The following NLRP5 variants were observed in gnomAD, a reference collection of about 807,000 sequenced individuals.
NLRP5 encodes the protein NLR family pyrin domain containing 5.
A neutral mutation model predicts 113.1 loss-of-function variants in NLRP5; 93 were observed. The ratio of observed to expected loss-of-function variants is 0.82; its 90% confidence interval spans 0.70 to 0.98. The LOEUF (loss-of-function observed/expected upper bound fraction) is 0.98, where lower values mean the gene tolerates loss of function less well. Among genes scored for constraint, NLRP5 ranks in the 50% least tolerant of loss-of-function variants. NLRP5 has a pLI of 0.00. For synonymous variants in NLRP5, 751 were observed against 600.7 expected (o/e 1.25, Z -3.66); for missense variants, 1,808 against 1,514.3 (o/e 1.19, Z -3.22).
chr19:56,021,401 C>T (rs62120424), intron 6 of NLRP5, among the ~76,000 whole-genome samples: 11,336 of 152,152 alleles, frequency 0.075, 514 homozygotes, highest in African/African-American at 0.11. Flanking sequence ...TTAGTCTATT[C>T]AGTTATCCAA....
chr19:56,049,585 A>G (rs768562354), intron 11 of NLRP5, among the ~76,000 whole-genome samples: 1 of 152,080 alleles, frequency 6.6e-6, no homozygotes, highest in Non-Finnish European at 1.5e-5. Flanking sequence ...TGCTGGGATT[A>G]CAGGTGTGAG....
chr19:55,999,747 G>A lies in NLRP5; in HGVS notation c.22G>A (p.Glu8Lys), dbSNP rs1479170157. The change falls in exon 1 of 15, where the codon GAA (glutamate) becomes AAA (lysine). Residue 8 changes from glutamate (E) to lysine (K), a missense_variant. Physicochemically the swap from Glu to Lys is moderately conservative, Grantham distance 56 (BLOSUM62 1). Transcript: ENST00000390649. ...TATCATGAAGGTTGCAGGAGGACTTGAACTTGGAGCTGCTGCTCTGCTCTC... is the reference window on the plus strand; with the variant it reads ...TATCATGAAGGTTGCAGGAGGACTTAAACTTGGAGCTGCTGCTCTGCTCTC... 2 of 1,613,356 alleles carry A rather than the reference G, an allele frequency of 1.2e-6. No homozygotes were observed. Among genetic ancestry groups the A allele is most frequent in the South Asian group, 1.1e-5 (1 of 91,058 alleles).
chr19:56,054,197 G>A (rs1984041317), intron 13 of NLRP5, among the ~76,000 whole-genome samples: 1 of 152,184 alleles, frequency 6.6e-6, no homozygotes, highest in African/African-American at 2.4e-5. Context: ...ACTTCAGTGA[G>A]CATCAGAGCC....
chr19:55,987,346 G>T, the NLRP5 span, among the ~76,000 whole-genome samples: 4 of 152,228 alleles, frequency 2.6e-5, no homozygotes, highest in Admixed American at 6.5e-5. Flanking sequence ...CTCCAGCGTG[G>T]GTGACAGAGT....
chr19:56,010,742 C>CCAAAA (rs1555764914), intron 3 of NLRP5, among the ~76,000 whole-genome samples: 2 of 41,282 alleles, frequency 4.8e-5, no homozygotes, highest in African/African-American at 2.1e-4. Context: ...AACTCTGTCT[C>CCAAAA]AAAAAAAAAA....
intron 9 of NLRP5, 138 bp from the exon 10 acceptor site, chr19:56,037,887 T>C: frequency 1.2e-6 from 1 of 809,266 alleles, no homozygotes; most frequent in Non-Finnish European, 1.9e-6. Context: ...GAACAGCAAC[T>C]TCTCAGGCCC....
chr19:55,998,702 ATGTGTGTGTG>A (rs144186734), upstream of NLRP5, among the ~76,000 whole-genome samples: 4,617 of 73,726 alleles, frequency 0.063, 293 homozygotes, highest in Middle Eastern at 0.08. Context: ...ATATATATAT[ATGTGTGTGTG>A]TGTATATATA....
chr19:55,999,396 A>G (rs1022393722), upstream of NLRP5, among the ~76,000 whole-genome samples: 2 of 151,622 alleles, frequency 1.3e-5, no homozygotes, highest in Non-Finnish European at 2.9e-5. Context: ...TTGTATTTTT[A>G]GTAGAAATGG....
In NLRP5 at chr19:56,028,330, T is replaced by G. The variant is rs1275011205; in HGVS notation, c.2097T>G (p.Phe699Leu). 1 of 1,613,878 alleles carries G rather than the reference T, an allele frequency of 6.2e-7. No individual in the cohort carries two copies. Among genetic ancestry groups the G allele is most frequent in the Non-Finnish European group, 8.5e-7 (1 of 1,179,900 alleles). Residue 699 changes from phenylalanine to leucine, a missense_variant, in exon 7 of 15, where the codon TTT becomes TTG. By Grantham distance (22) the Phe-to-Leu change is conservative (BLOSUM62 0). Coordinates refer to ENST00000390649, the MANE Select transcript of NLRP5 (RefSeq NM_153447.4). ...TTTTCGAGACTCAAGACAAAGAGTT[T>G]GTTCGCTTGGCATTAAACAGCTTCC... is the stretch of plus-strand genomic sequence containing the variant.
chr19:56,021,488 C>G (rs1250034883), intron 6 of NLRP5, among the ~76,000 whole-genome samples: 1 of 152,144 alleles, frequency 6.6e-6, no homozygotes, highest in South Asian at 2.1e-4. Context: ...CCAGTTTCCT[C>G]TCCCTCAAAA....
At chr19:56,030,711 C>CTTTTTTT (rs1251579019) in intron 7 of NLRP5, among the ~76,000 whole-genome samples, 1,076 of 47,262 alleles carry the variant, frequency 0.023, 101 homozygotes, top group Middle Eastern at 0.05. Flanking sequence ...TCGCTTTCTT[C>CTTTTTTT]TTCTTTTTTT....
chr19:56,036,475 C>A (rs1379252603), intron 9 of NLRP5, among the ~76,000 whole-genome samples: 1 of 152,178 alleles, frequency 6.6e-6, no homozygotes, highest in Non-Finnish European at 1.5e-5. Flanking sequence ...TCAATAACGA[C>A]AGACGCTTGA....
At chr19:55,997,893 G>T (rs1461137173), upstream of NLRP5, among the ~76,000 whole-genome samples, 1 of 151,800 alleles carries the variant, frequency 6.6e-6, no homozygotes, top group African/African-American at 2.4e-5. Flanking sequence ...AGGATATCTA[G>T]TCCTGGTTTG....
At chr19:56,002,746 G>C (rs987833990) in intron 1 of NLRP5, among the ~76,000 whole-genome samples, 1 of 150,052 alleles carries the variant, frequency 6.7e-6, no homozygotes, top group Non-Finnish European at 1.5e-5. Flanking sequence ...ATAGTTTGCT[G>C]AGAATGATGG....
At chr19:55,995,731 C>T (rs995160777), upstream of NLRP5, among the ~76,000 whole-genome samples, 1 of 152,076 alleles carries the variant, frequency 6.6e-6, no homozygotes, top group Non-Finnish European at 1.5e-5. Flanking sequence ...TAGATGTCTC[C>T]ATTTTTATCT....
chr19:56,014,210 G>A (rs564173251), intron 3 of NLRP5, among the ~76,000 whole-genome samples: 8 of 152,070 alleles, frequency 5.3e-5, no homozygotes, highest in African/African-American at 1.4e-4. Context: ...AGCTGGGTAC[G>A]GTGGCTTACA....
intron 12 of NLRP5, among the ~76,000 whole-genome samples, chr19:56,053,162 G>A (rs1399401638): frequency 6.6e-6 from 1 of 151,952 alleles, no homozygotes; most frequent in African/African-American, 2.4e-5. Context: ...TTGAGAGGCC[G>A]AGGCAGGCGG....
chr19:56,020,845 G>A (rs937207832), intron 6 of NLRP5, among the ~76,000 whole-genome samples: 1 of 150,676 alleles, frequency 6.6e-6, no homozygotes, highest in African/African-American at 2.4e-5. Context: ...AATTACAGTG[G>A]TAAGAAAAAC....
chr19:55,987,859 TCACC>T, the NLRP5 span: 1 of 1,614,004 alleles, frequency 6.2e-7, no homozygotes, highest in Non-Finnish European at 8.5e-7. Flanking sequence ...CCCCAACTCC[TCACC>T]CACCCGACTT....
Sources: allele counts gnomAD v4.1 joint callset (sites outside exome capture counted in the v4.1 genomes callset), GRCh38; gene constraint gnomAD v4.1.1; transcripts MANE v1.5; gene names NCBI Gene and HGNC (gene_info 2026-07-23, HGNC 2026-07-21).